Variants in ALDH16A1 observed in about 807,000 individuals in gnomAD.
ALDH16A1 encodes the protein aldehyde dehydrogenase 16 family member A1.
A neutral mutation model predicts 96.1 loss-of-function variants in ALDH16A1; 88 were observed. The observed-to-expected ratio is 0.92, with a 90% confidence interval of 0.77 to 1.09. The LOEUF (loss-of-function observed/expected upper bound fraction) is 1.09, where lower values mean the gene tolerates loss of function less well. Among genes scored for constraint, ALDH16A1 ranks in the 50% least tolerant of loss-of-function variants. The probability of loss-of-function intolerance (pLI) is 0.00; values close to 1 mark genes in which losing one functional copy is unlikely to be tolerated. For missense variants in ALDH16A1, 1,250 were observed against 1,112.6 expected (o/e 1.12, Z -1.76); for synonymous variants, 522 against 496.4 (o/e 1.05, Z -0.69).
intron 1 of ALDH16A1, 36 bp downstream of exon 1, chr19:49,453,457 T>C (rs1431909980): frequency 2.5e-5 from 38 of 1,495,518 alleles, no homozygotes; most frequent in Non-Finnish European, 3.1e-5. Flanking sequence ...CTCGCTGCGT[T>C]CCCCAGGCCT....
At chr19:49,458,218 CAA>C (rs34269663) in intron 1 of ALDH16A1, among the ~76,000 whole-genome samples, 38 of 145,930 alleles carry the variant, frequency 2.6e-4, no homozygotes, top group African/African-American at 5.8e-4. Flanking sequence ...GACTCAGTCT[CAA>C]AAAAAAAAAA....
chr19:49,467,673 T>C (rs560979351), intron 14 of ALDH16A1, among the ~76,000 whole-genome samples: 86 of 151,476 alleles, frequency 5.7e-4, no homozygotes, highest in African/African-American at 1.9e-3. Flanking sequence ...GGATTACAGG[T>C]GTGAGCCACT....
Position 49,458,599 on chromosome 19 carries a change from T to TC in ALDH16A1, c.193+16dup. The TC allele has an allele frequency of 6.4e-7, 1 of 1,553,550 alleles. No homozygotes were observed. The highest frequency in any genetic ancestry group is 1.4e-5 in the African/African-American group (1 of 73,404). ...AGGATCCCATCACAGGTACGAGATG[T>TC]CCCCCAGTCATTAGTGGAAGGGAGG... On this transcript the variant is annotated intron_variant, in intron 2 of 16. Coordinates refer to ENST00000293350, the MANE Select transcript of ALDH16A1 (RefSeq NM_153329.4).
intron 14 of ALDH16A1, among the ~76,000 whole-genome samples, chr19:49,466,619 G>A (rs556378445): frequency 3.9e-5 from 6 of 152,298 alleles, no homozygotes; most frequent in Non-Finnish European, 5.9e-5. Context: ...CCAGTACTTC[G>A]CGAGGCTGAG....
chr19:49,462,517 C>A, intron 7 of ALDH16A1, 53 bp from the exon 8 acceptor site: 2 of 1,574,288 alleles, frequency 1.3e-6, no homozygotes. Context: ...CTTCAGATCA[C>A]CAACTTGCTA....
In ALDH16A1 at chr19:49,470,544, C is replaced by T; in HGVS notation, c.*77C>T. Reference sequence around the variant, plus strand: ...CACCCCACAGACACCTGGGACTTTCCCCTTCTGGTTCCTGTGTCTCCCAAT... The same window carrying T: ...CACCCCACAGACACCTGGGACTTTCTCCTTCTGGTTCCTGTGTCTCCCAAT... On this transcript the variant is annotated 3_prime_UTR_variant, in exon 17 of 17. Transcript: ENST00000293350. 4 of 1,402,538 alleles carry T rather than the reference C, an allele frequency of 2.9e-6. No individual in the cohort carries two copies. Among genetic ancestry groups the T allele is most frequent in the Non-Finnish European group, 3.7e-6 (4 of 1,072,704 alleles). The allele number at this position is 1,402,538 out of a possible 1,614,324, so 86.9% of individuals were successfully genotyped here.
rs371405620 is a variant in ALDH16A1 at position 49,462,333 on chromosome 19, C to T, written c.913-237C>T. On this transcript the variant is annotated intron_variant, in intron 7 of 16. Coordinates refer to ENST00000293350, the MANE Select transcript of ALDH16A1 (RefSeq NM_153329.4). ...TATTTTTAGTAGAGACGGGGTTTCACCATGTTGGCCAGGCTGGTCTCGAAC... is the reference window on the plus strand; with the variant it reads ...TATTTTTAGTAGAGACGGGGTTTCATCATGTTGGCCAGGCTGGTCTCGAAC... Among the ~76,000 whole-genome samples the T allele has an allele frequency of 2.6e-5, 4 of 152,182 alleles. No homozygotes were observed. In the East Asian group the frequency reaches 7.8e-4, roughly 30 times the overall value.
At chr19:49,458,042 C>T (rs1039396524) in intron 1 of ALDH16A1, among the ~76,000 whole-genome samples, 2 of 152,014 alleles carry the variant, frequency 1.3e-5, no homozygotes, top group African/African-American at 2.4e-5. Context: ...GGTGAAACCC[C>T]GTCTCTACTA....
chr19:49,457,025 G>A (rs773269887), intron 1 of ALDH16A1, among the ~76,000 whole-genome samples: 6 of 151,854 alleles, frequency 4.0e-5, no homozygotes, highest in South Asian at 2.1e-4. Flanking sequence ...GGAGAATCAC[G>A]TGAACCCAGG....
Position 49,468,526 on chromosome 19 carries a change from C to T in ALDH16A1, c.2084C>T (p.Pro695Leu). The change falls in exon 15 of 17, where the codon CCC (proline) becomes CTC (leucine). Residue 695 changes from proline (P) to leucine (L), a missense_variant. Coordinates refer to ENST00000293350, the MANE Select transcript of ALDH16A1 (RefSeq NM_153329.4). This position sits in a 1 kb window ranked among gnomAD's most constrained non-coding sequence, Gnocchi z 4.4. ...LAYGNTVVMV[P>L]SAACPLLALE... is the part of the protein sequence containing the mutation. ...TACGGCAACACTGTGGTCATGGTGC[C>T]CAGTGCGGCCTGTCCTCTGCTGGCC... The T allele has an allele frequency of 6.2e-7, 1 of 1,604,672 alleles. No homozygotes were observed. Among genetic ancestry groups the T allele is most frequent in the Non-Finnish European group, 8.5e-7 (1 of 1,179,914 alleles).
chr19:49,459,125 C>G lies in ALDH16A1; in HGVS notation c.320+39C>G, dbSNP rs1173682501. On this transcript the variant is annotated intron_variant, in intron 3 of 16. Transcript: ENST00000293350. The surrounding 1 kb of genome is among the most constrained non-coding windows in gnomAD (Gnocchi z 4.1). Reference sequence around the variant, plus strand: ...GGTGTGGACCCCGGGAGGCGGGGAACCCCAGCATCCACTCGAGACCATGGG... The same window carrying G: ...GGTGTGGACCCCGGGAGGCGGGGAAGCCCAGCATCCACTCGAGACCATGGG... 1 of 1,590,632 alleles carries G rather than the reference C, an allele frequency of 6.3e-7. No individual in the cohort carries two copies. Among genetic ancestry groups the G allele is most frequent in the South Asian group, 1.1e-5 (1 of 90,316 alleles).
Position 49,461,642 on chromosome 19 carries a change from C to T in ALDH16A1, c.601C>T (p.Pro201Ser), listed in dbSNP as rs1341331032. 2.4e-5 allele frequency: 39 copies of T among 1,597,166 alleles called. No individual in the cohort carries two copies. In the East Asian group the frequency reaches 8.4e-4, roughly 34 times the overall value. Residue 201 changes from proline (P) to serine (S), a missense_variant, in exon 6 of 17, where the codon CCC becomes TCC. Pro to Ser is a moderately conservative substitution (Grantham distance 74). Coordinates refer to ENST00000293350, the MANE Select transcript of ALDH16A1 (RefSeq NM_153329.4). ...AVGCTVVALV[P>S]PASPAPLLLA... ...AGGCTGCACCGTGGTGGCCCTCGTG[C>T]CCCCGGCCTCCCCGGCGCCCCTCCT... is the stretch of plus-strand genomic sequence containing the variant.
Position 49,461,766 on chromosome 19 carries a change from G to A in ALDH16A1, c.725G>A (p.Gly242Glu), listed in dbSNP as rs758762989. Reference protein sequence around the residue: ...SLVPILASQPGIRKVAFCGAP... With the variant: ...SLVPILASQPEIRKVAFCGAP... ...GTGCCCATCCTGGCCTCCCAGCCTG[G>A]AATCCGGAAGGTGGCCTTCTGCGGA... Residue 242 changes from glycine to glutamate, a missense_variant, in exon 6 of 17, where the codon GGA becomes GAA. Coordinates refer to ENST00000293350, the MANE Select transcript of ALDH16A1 (RefSeq NM_153329.4). 1.9e-6 allele frequency: 3 copies of A among 1,611,168 alleles called. No individual in the cohort carries two copies. In the South Asian group the frequency reaches 3.3e-5, roughly 18 times the overall value.
At chr19:49,467,684 A>G (rs546305579) in intron 14 of ALDH16A1, among the ~76,000 whole-genome samples, 20 of 151,416 alleles carry the variant, frequency 1.3e-4, no homozygotes, top group East Asian at 9.8e-4. Context: ...GTGAGCCACT[A>G]CACCCGGCCT....
intron 13 of ALDH16A1, 45 bp downstream of exon 13, chr19:49,465,950 G>A: frequency 1.3e-6 from 2 of 1,591,008 alleles, no homozygotes; most frequent in African/African-American, 1.3e-5. Context: ...GTGTGGCAGA[G>A]AGGGGAGCCT....
At chr19:49,455,529 C>A (rs1020538336) in intron 1 of ALDH16A1, among the ~76,000 whole-genome samples, 1 of 150,646 alleles carries the variant, frequency 6.6e-6, no homozygotes, top group Non-Finnish European at 1.5e-5. Context: ...ATCACCTGAG[C>A]CTGGGAGGTG....
chr19:49,453,282 C>T lies in ALDH16A1; in HGVS notation c.-50C>T. 6.7e-7 allele frequency: 1 copy of T among 1,503,026 alleles called. No individual in the cohort carries two copies. Among genetic ancestry groups the T allele is most frequent in the Non-Finnish European group, 8.9e-7 (1 of 1,119,980 alleles). 93.1% of individuals were successfully genotyped at this position (1,503,026 alleles called of 1,614,324 possible). ...TCGCTCTTCGGACCTCAAGGTTCCC[C>T]TTAACACAGAGCGCCCCGCAGTCTT... On this transcript the variant is annotated 5_prime_UTR_variant, in exon 1 of 17. Transcript: ENST00000293350.
At chr19:49,460,522 C>A (rs1034491772) in intron 4 of ALDH16A1, among the ~76,000 whole-genome samples, 1 of 151,476 alleles carries the variant, frequency 6.6e-6, no homozygotes, top group Non-Finnish European at 1.5e-5. Context: ...TCAAGTGATT[C>A]TCCTGCCTCA....
At position 49,465,883 on chromosome 19, in the gene ALDH16A1, G is replaced by A. The variant is rs1190419319; in HGVS notation, c.1714G>A (p.Ala572Thr). 1 of 1,613,914 alleles carries A rather than the reference G, an allele frequency of 6.2e-7. No individual in the cohort carries two copies. The highest frequency in any genetic ancestry group is 1.3e-5 in the African/African-American group (1 of 74,934). Residue 572 changes from alanine to threonine, a missense_variant, in exon 13 of 17, where the codon GCC (alanine) becomes ACC (threonine). Physicochemically the swap from Ala to Thr is moderately conservative, Grantham distance 58. Coordinates refer to ENST00000293350, the MANE Select transcript of ALDH16A1 (RefSeq NM_153329.4). ...CAAGGACATCCGAGGTGCTGTGGAG[G>A]CCGCTCACCAGGCTTTCCCTGGGTA... is the stretch of plus-strand genomic sequence containing the variant. ...GAKDIRGAVE[A>T]AHQAFPGWAG...
Sources: allele counts gnomAD v4.1 joint callset (sites outside exome capture counted in the v4.1 genomes callset), GRCh38; gene constraint gnomAD v4.1.1; non-coding constraint Gnocchi (gnomAD v3.1); transcripts MANE v1.5; gene names NCBI Gene and HGNC (gene_info 2026-07-23, HGNC 2026-07-21).